Variants in PAQR7 observed in about 807,000 individuals in gnomAD.
PAQR7 encodes progestin and adipoQ receptor family member 7.
In PAQR7, 14 loss-of-function variants were observed where a neutral mutation model predicts 24.6. The observed-to-expected ratio is 0.57, with a 90% CI of 0.38 to 0.89. The LOEUF (loss-of-function observed/expected upper bound fraction) is 0.89, where lower values mean the gene tolerates loss of function less well. PAQR7 is among the 40% of genes least tolerant of loss of function. The pLI is 0.00. For synonymous variants in PAQR7, 189 were observed against 198.8 expected, an observed-to-expected ratio of 0.95 and a Z score of 0.42; for missense variants, 351 against 444.0, an observed-to-expected ratio of 0.79 and a Z score of 1.88.
At chr1:25,872,356 A>G (rs2048612864) in intron 1 of PAQR7, among the ~76,000 whole-genome samples, 1 of 152,032 alleles carries the variant, frequency 6.6e-6, no homozygotes, top group Admixed American at 6.6e-5. Context: ...AGTGACTTCC[A>G]AGGGCCCTTA....
chr1:25,875,398 C>A lies in PAQR7; in HGVS notation c.-109+90G>T, dbSNP rs6666220. On this transcript the variant is annotated intron_variant, in intron 1 of 2. Transcript: ENST00000675840. The surrounding 1 kb of genome is among the most constrained non-coding windows in gnomAD (Gnocchi z 5.4). ...CGCGGAGCCTTGCTCTTTCCACGTC[C>A]AGCCCCGCAGCCCCGCAGCCCCGCC... Among the ~76,000 whole-genome samples, 9,296 of 149,398 alleles carry A rather than the reference C, an allele frequency of 0.062. 953 individuals are homozygous for A. Among genetic ancestry groups the A allele is most frequent in the African/African-American group, 0.22 (8,796 of 40,056 alleles).
At position 25,863,304 on chromosome 1, in the gene PAQR7, G is replaced by T. The variant is rs201392809; in HGVS notation, c.536C>A (p.Ala179Asp). The change falls in exon 3 of 3, where the codon GCC (alanine) becomes GAC (aspartate). Residue 179 changes from alanine to aspartate, a missense_variant. Transcript: ENST00000675840. The surrounding 1 kb of genome is among the most constrained non-coding windows in gnomAD (Gnocchi z 6.1). ...QVQAVFLPMA[A>D]FLAWLSCIGS... ...AATGCAGGAAAGCCAGGCGAGAAAG[G>T]CAGCCATGGGCAGAAAAACAGCCTG... is the stretch of plus-strand genomic sequence containing the variant. The T allele has an allele frequency of 3.7e-6, 6 of 1,614,220 alleles. No homozygotes were observed. Among genetic ancestry groups the T allele is most frequent in the Non-Finnish European group, 5.1e-6 (6 of 1,180,044 alleles).
chr1:25,871,269 T>C (rs2048603553), intron 1 of PAQR7: 1 of 152,140 alleles, frequency 6.6e-6, no homozygotes, highest in African/African-American at 2.4e-5. Context: ...CCCTGTAAAT[T>C]GGTGCTTACC....
At chr1:25,866,028 T>C (rs539463913) in intron 2 of PAQR7, among the ~76,000 whole-genome samples, 14 of 151,708 alleles carry the variant, frequency 9.2e-5, no homozygotes, top group African/African-American at 3.4e-4. Context: ...CATGACACCA[T>C]TCTGATAACA....
intron 1 of PAQR7, among the ~76,000 whole-genome samples, chr1:25,874,334 C>A (rs2048630080): frequency 6.6e-6 from 1 of 152,122 alleles, no homozygotes; most frequent in Admixed American, 6.5e-5. Flanking sequence ...TGTGAGCTCC[C>A]ACAGATGGCC....
intron 1 of PAQR7, among the ~76,000 whole-genome samples, chr1:25,873,589 C>A (rs1011204826): frequency 4.0e-5 from 6 of 151,376 alleles, no homozygotes; most frequent in Admixed American, 2.6e-4. Flanking sequence ...GTAACTATTT[C>A]TTTTCTTGAG....
chr1:25,868,939 C>A (rs2124195473), intron 2 of PAQR7, among the ~76,000 whole-genome samples: 1 of 151,330 alleles, frequency 6.6e-6, no homozygotes, highest in African/African-American at 2.4e-5. Flanking sequence ...CCATTCTGGC[C>A]AACATGGTGA....
At chr1:25,865,956 A>G (rs2048553721) in intron 2 of PAQR7, among the ~76,000 whole-genome samples, 1 of 151,484 alleles carries the variant, frequency 6.6e-6, no homozygotes, top group African/African-American at 2.4e-5. Flanking sequence ...ATTGCACTCC[A>G]GCCTGGGCAA....
At position 25,866,601 on chromosome 1, in the gene PAQR7, C is replaced by CT. The variant is rs564455123; in HGVS notation, c.-22-2741dup. Among the ~76,000 whole-genome samples the CT allele has an allele frequency of 1.1e-3, 163 of 152,308 alleles. 2 individuals are homozygous for CT. The highest frequency in any genetic ancestry group is 3.7e-3 in the African/African-American group (155 of 41,576). On this transcript the variant is annotated intron_variant, in intron 2 of 2. Transcript: ENST00000675840. The stretch of plus-strand genomic sequence containing the variant: ...TCCCAGCAACCCTGAGAGGCAGACA[C>CT]TATCATTATTCCCATTTTCCAGGTA...
intron 1 of PAQR7, among the ~76,000 whole-genome samples, chr1:25,872,101 T>C (rs1266004197): frequency 2.0e-5 from 3 of 152,210 alleles, no homozygotes; most frequent in Non-Finnish European, 4.4e-5. Context: ...TCTGCAACAG[T>C]CCCTCAACCT....
intron 1 of PAQR7, among the ~76,000 whole-genome samples, chr1:25,873,840 G>A (rs1049722265): frequency 2.0e-5 from 3 of 152,088 alleles, no homozygotes; most frequent in African/African-American, 7.2e-5. Flanking sequence ...CAAAGTGCTG[G>A]GGTTACAATC....
chr1:25,872,186 G>T (rs1377780407), intron 1 of PAQR7, among the ~76,000 whole-genome samples: 1 of 152,158 alleles, frequency 6.6e-6, no homozygotes, highest in African/African-American at 2.4e-5. Context: ...GCAAAACAAA[G>T]CCATGGATGC....
chr1:25,864,734 C>G (rs917216977), intron 2 of PAQR7, among the ~76,000 whole-genome samples: 1 of 151,992 alleles, frequency 6.6e-6, no homozygotes, highest in Admixed American at 6.6e-5. Flanking sequence ...GCCTGTAGTC[C>G]CAGCTACTGG....
Position 25,862,628 on chromosome 1 carries a change from A to C in PAQR7, c.*171T>G, listed in dbSNP as rs576048566. 5.2e-5 allele frequency: 39 copies of C among 750,950 alleles called. No individual in the cohort carries two copies. The South Asian group carries it at 6.9e-4, about 13-fold the overall frequency. The allele number at this position is 750,950 out of a possible 1,614,324, so 46.5% of individuals were successfully genotyped here. A position where few individuals can be genotyped will look rare whatever the true frequency, so the allele number is the denominator to read the frequency against. On this transcript the variant is annotated 3_prime_UTR_variant, in exon 3 of 3. Coordinates refer to ENST00000675840, the MANE Select transcript of PAQR7 (RefSeq NM_178422.6). ...GAGTGGACCCCAGCAACTCCTAGCC[A>C]ATCCCTAAATCCAAGAATTGGCCAG...
In PAQR7 at chr1:25,862,939, G is replaced by A. The variant is rs769434667; in HGVS notation, c.901C>T (p.Arg301Trp). ...GTGTGCAGAGGCTCATAGATGGGCC[G>A]TCGGGCCTCATAGTCCAGTGCCACA... ...EAVALDYEARRPIYEPLHTHW... is the reference protein window; with the variant it reads ...EAVALDYEARWPIYEPLHTHW... The change falls in exon 3 of 3, where the codon CGG (arginine) becomes TGG (tryptophan). Residue 301 changes from arginine (R) to tryptophan (W), a missense_variant. Coordinates refer to ENST00000675840, the MANE Select transcript of PAQR7 (RefSeq NM_178422.6). 15 of 1,614,168 alleles carry A rather than the reference G, an allele frequency of 9.3e-6. No individual in the cohort carries two copies. The highest frequency in any genetic ancestry group is 2.2e-5 in the East Asian group (1 of 44,884).
intron 2 of PAQR7, among the ~76,000 whole-genome samples, chr1:25,868,122 C>G (rs746017975): frequency 8.5e-5 from 13 of 152,240 alleles, no homozygotes; most frequent in Non-Finnish European, 1.6e-4. Context: ...TTGTCCACAA[C>G]TTTGTCTTCC....
chr1:25,868,149 G>T (rs1367753736), intron 2 of PAQR7, among the ~76,000 whole-genome samples: 1 of 152,180 alleles, frequency 6.6e-6, no homozygotes, highest in African/African-American at 2.4e-5. Context: ...AGAACCTTGG[G>T]GGGACCAGAA....
At chr1:25,874,274 G>A (rs1228409307) in intron 1 of PAQR7, among the ~76,000 whole-genome samples, 4 of 151,496 alleles carry the variant, frequency 2.6e-5, no homozygotes, top group Admixed American at 6.6e-5. Context: ...TTGAACTCAC[G>A]GCTTAAGCCA....
intron 1 of PAQR7, among the ~76,000 whole-genome samples, chr1:25,872,481 G>C (rs1448509342): frequency 6.6e-6 from 1 of 151,622 alleles, no homozygotes; most frequent in Non-Finnish European, 1.5e-5. Flanking sequence ...ACAGCCCAGG[G>C]AATTCATACC....
Sources: gnomAD v4.1 joint callset for allele counts (sites outside exome capture counted in the v4.1 genomes callset) on GRCh38, gnomAD v4.1.1 for gene constraint, Gnocchi (gnomAD v3.1) non-coding constraint, MANE v1.5 for transcripts, NCBI Gene and HGNC (gene_info 2026-07-23, HGNC 2026-07-21) for gene names.